Variants in ST7 observed in about 807,000 individuals in gnomAD.
ST7 encodes suppression of tumorigenicity 7.
A neutral mutation model predicts 78.7 loss-of-function variants in ST7; 28 were observed. The observed-to-expected ratio is 0.36, with a 90% confidence interval of 0.26 to 0.49. The LOEUF is 0.49. Ranked by LOEUF, ST7 falls within the 20% of genes least tolerant of loss-of-function variation. ST7 has a pLI of 0.99. For synonymous variants in ST7, 247 were observed against 249.6 expected, an observed-to-expected ratio of 0.99 and a Z score of 0.10; for missense variants, 418 against 696.0, an observed-to-expected ratio of 0.60 and a Z score of 4.49.
In ST7 at chr7:116,980,753, A is replaced by C. The variant is rs75349512; in HGVS notation, c.151+27062A>C. Among the ~76,000 whole-genome samples, 38 of 152,364 alleles carry C rather than the reference A, an allele frequency of 2.5e-4. 2 individuals are homozygous for C. The East Asian group carries it at 6.9e-3, about 28-fold the overall frequency. On this transcript the variant is annotated intron_variant, in intron 1 of 15. Transcript: ENST00000323984. ...TTAGATGCTGATGTGGTACTTTATC[A>C]CTTTGAAATACTTTAGTGTATATTT...
chr7:117,037,677 A>G (rs1280995399), intron 1 of ST7, among the ~76,000 whole-genome samples: 1 of 152,100 alleles, frequency 6.6e-6, no homozygotes, highest in Non-Finnish European at 1.5e-5. Flanking sequence ...TATGCTTCTG[A>G]ATGTGTGAGG....
chr7:117,122,644 T>A (rs188132073), intron 3 of ST7, among the ~76,000 whole-genome samples: 1 of 152,228 alleles, frequency 6.6e-6, no homozygotes, highest in African/African-American at 2.4e-5. Context: ...AGTGTTCAAA[T>A]AGTTATCCTT....
rs140395171 is a variant in ST7 at position 117,024,478 on chromosome 7, G to A, written c.151+70787G>A. Among the ~76,000 whole-genome samples, 10 of 152,270 alleles carry A rather than the reference G, an allele frequency of 6.6e-5. No individual in the cohort carries two copies. The East Asian group carries it at 9.6e-4, about 15-fold the overall frequency. ...TGGGAATTGTGCCCTGGTCTAACAC[G>A]TTAATGCATCTTCCAAAGCACCTAC... On this transcript the variant is annotated intron_variant, in intron 1 of 15. Transcript: ENST00000323984.
intron 3 of ST7, chr7:117,128,396 A>G (rs1804047645): frequency 6.6e-6 from 1 of 151,906 alleles, no homozygotes; most frequent in Non-Finnish European, 1.5e-5. Flanking sequence ...TTAATGCCAT[A>G]TGAAGTGACA....
intron 1 of ST7, among the ~76,000 whole-genome samples, chr7:117,098,156 G>A (rs1801263640): frequency 6.6e-6 from 1 of 151,296 alleles, no homozygotes; most frequent in Non-Finnish European, 1.5e-5. Context: ...AGTGGGAGGC[G>A]AGCTTATTGA....
intron 1 of ST7, among the ~76,000 whole-genome samples, chr7:117,021,589 T>G (rs1050690172): frequency 2.6e-5 from 4 of 152,194 alleles, no homozygotes; most frequent in Non-Finnish European, 5.9e-5. Flanking sequence ...TGTTTTTTGA[T>G]CTCAGGTGAT....
chr7:117,189,417 G>T (rs925010449), intron 11 of ST7, 24 bp downstream of exon 11: 1 of 1,557,950 alleles, frequency 6.4e-7, no homozygotes, highest in Non-Finnish European at 8.7e-7. Context: ...AGTTTGCGCG[G>T]TACTAATGCC....
intron 13 of ST7, among the ~76,000 whole-genome samples, chr7:117,210,644 G>A (rs1484790178): frequency 6.6e-6 from 1 of 152,146 alleles, no homozygotes; most frequent in Non-Finnish European, 1.5e-5. Flanking sequence ...ATGGGGTGGA[G>A]TGATCTTGGT....
At chr7:117,217,288 GAAAAAAAAAAAC>G (rs1792762377) in intron 13 of ST7, among the ~76,000 whole-genome samples, 1 of 126,534 alleles carries the variant, frequency 7.9e-6, no homozygotes, top group South Asian at 2.6e-4. Flanking sequence ...CTGGATTTGG[GAAAAAAAAAAAC>G]AAAAAAAAAA....
chr7:117,213,608 GA>G (rs1261653760), intron 13 of ST7, among the ~76,000 whole-genome samples: 3 of 151,684 alleles, frequency 2.0e-5, no homozygotes, highest in Admixed American at 1.3e-4. Context: ...ATGCATGGCA[GA>G]GATTGTTTGG....
chr7:117,179,182 A>G (rs1035047400), intron 10 of ST7, among the ~76,000 whole-genome samples: 5 of 152,238 alleles, frequency 3.3e-5, no homozygotes, highest in Non-Finnish European at 7.3e-5. Flanking sequence ...ATTCCCTATT[A>G]GAACGTACAA....
intron 12 of ST7, among the ~76,000 whole-genome samples, chr7:117,192,913 C>T (rs2117412243): frequency 6.6e-6 from 1 of 152,248 alleles, no homozygotes; most frequent in South Asian, 2.1e-4. Context: ...TTGCACTCTA[C>T]TTTCTAATCA....
At chr7:117,006,436 T>C (rs1343348564) in intron 1 of ST7, among the ~76,000 whole-genome samples, 1 of 152,254 alleles carries the variant, frequency 6.6e-6, no homozygotes, top group Non-Finnish European at 1.5e-5. Flanking sequence ...TCAACAAGCA[T>C]TGCTAGGCAT....
At chr7:116,984,141 GTGTC>G (rs1387359667) in intron 1 of ST7, among the ~76,000 whole-genome samples, 1 of 151,558 alleles carries the variant, frequency 6.6e-6, no homozygotes, top group African/African-American at 2.4e-5. Context: ...GTGTGTGTGT[GTGTC>G]TATCTGTCTG....
At chr7:117,099,930 A>G (rs999893660) in intron 2 of ST7, 86 bp downstream of exon 2, 301 of 1,031,438 alleles carry the variant, frequency 2.9e-4, no homozygotes, top group Non-Finnish European at 4.1e-4. Flanking sequence ...CTCTGGAAGA[A>G]TATACACTAA....
chr7:117,164,752 T>C (rs1807409665), intron 9 of ST7, among the ~76,000 whole-genome samples: 1 of 152,062 alleles, frequency 6.6e-6, no homozygotes, highest in Admixed American at 6.6e-5. Flanking sequence ...GGTTCTGATG[T>C]GTTGAAATTT....
At position 116,953,810 on chromosome 7, in the gene ST7, G is replaced by A. The variant is rs578119450; in HGVS notation, c.151+119G>A. 82 of 638,270 alleles carry A rather than the reference G, an allele frequency of 1.3e-4. 1 individual carries two copies. In the African/African-American group the frequency reaches 1.6e-3, roughly 12 times the overall value. 39.5% of individuals were successfully genotyped at this position (638,270 alleles called of 1,614,324 possible). ...GGGGACGCGCCGGGGCCCGCGCACC[G>A]GAGGCCCGCGGCTACCCGCCAGCAA... On this transcript the variant is annotated intron_variant, in intron 1 of 15. Transcript: ENST00000323984.
chr7:117,136,583 G>T, intron 8 of ST7: 2 of 460,044 alleles, frequency 4.3e-6, no homozygotes, highest in Non-Finnish European at 7.7e-6. Context: ...ATGGGAAACA[G>T]GATTTAAATT....
chr7:117,071,058 A>C lies in ST7; in HGVS notation c.152-28704A>C, dbSNP rs571001781. 5.9e-5 allele frequency among the ~76,000 whole-genome samples: 9 copies of C among 152,044 alleles called. No homozygotes were observed. The East Asian group carries it at 1.6e-3, about 26-fold the overall frequency. Reference sequence around the variant, plus strand: ...CACGGTGAAACGCCCTCTCTACTAAAAACACAAAAAATTAGCCGGGCGTGG... The same window carrying C: ...CACGGTGAAACGCCCTCTCTACTAACAACACAAAAAATTAGCCGGGCGTGG... On this transcript the variant is annotated intron_variant, in intron 1 of 15. Coordinates refer to ENST00000323984, the MANE Select transcript of ST7 (RefSeq NM_001369598.1).
Sources: gnomAD v4.1 joint callset for allele counts (sites outside exome capture counted in the v4.1 genomes callset) on GRCh38, gnomAD v4.1.1 for gene constraint, MANE v1.5 for transcripts, NCBI Gene and HGNC (gene_info 2026-07-23, HGNC 2026-07-21) for gene names.